The following CFAP36 variants were observed in gnomAD, a reference collection of about 807,000 sequenced individuals.
The protein encoded by CFAP36 is cilia- and flagella-associated protein 36.
CFAP36 carries 37 observed loss-of-function variants against 50.5 expected under a neutral mutation model. The ratio of observed to expected loss-of-function variants is 0.73; its 90% CI spans 0.56 to 0.96. The LOEUF is 0.96. Among genes scored for constraint, CFAP36 ranks in the 50% least tolerant of loss-of-function variants. CFAP36 has a pLI of 0.00. For missense variants in CFAP36, 407 were observed against 396.2 expected (o/e 1.03, Z -0.23); for synonymous variants, 138 against 128.2 (o/e 1.08, Z -0.52).
At chr2:55,537,002 C>T (rs758203406) in intron 6 of CFAP36, among the ~76,000 whole-genome samples, 4 of 152,136 alleles carry the variant, frequency 2.6e-5, no homozygotes, top group Non-Finnish European at 4.4e-5. Context: ...CTTGGCCTCC[C>T]AAAATGTTGG....
intron 5 of CFAP36, among the ~76,000 whole-genome samples, chr2:55,535,441 TG>T (rs1684455668): frequency 1.3e-5 from 2 of 152,366 alleles, no homozygotes; most frequent in South Asian, 4.1e-4. Flanking sequence ...ATTTCAAATC[TG>T]TTGATCTTTA....
Position 55,535,768 on chromosome 2 carries a change from CT to C in CFAP36, c.537+6del. ...GAAAGGAAGAGGAAAAAACAGGTGCCTACAGAACATATAACAGAAGTATTTT... is the reference window on the plus strand; with the variant it reads ...GAAAGGAAGAGGAAAAAACAGGTGCCACAGAACATATAACAGAAGTATTTT... On this transcript the variant is annotated splice_donor_region_variant and intron_variant, in intron 6 of 9. Transcript: ENST00000349456. The C allele has an allele frequency of 2.6e-6, 4 of 1,555,514 alleles. No homozygotes were observed. Among genetic ancestry groups the C allele is most frequent in the Non-Finnish European group, 3.4e-6 (4 of 1,159,470 alleles).
At chr2:55,535,580 T>C in intron 5 of CFAP36, 132 bp from the exon 6 acceptor site, 1 of 669,198 alleles carries the variant, frequency 1.5e-6, no homozygotes, top group South Asian at 2.4e-5. Context: ...AGAGCAAGGC[T>C]TGATTATCTT....
At chr2:55,522,066 G>C (rs1684082574) in intron 1 of CFAP36, 36 bp from the exon 2 acceptor site, 8 of 1,091,534 alleles carry the variant, frequency 7.3e-6, no homozygotes, top group South Asian at 2.8e-5. Context: ...AAATGATTTG[G>C]TTTTTACACT....
chr2:55,519,731 G>A lies in CFAP36; in HGVS notation c.-71G>A. 6.7e-7 allele frequency: 1 copy of A among 1,493,126 alleles called. No homozygotes were observed. Among genetic ancestry groups the A allele is most frequent in the Non-Finnish European group, 9.3e-7 (1 of 1,073,464 alleles). 92.5% of individuals were successfully genotyped at this position (1,493,126 alleles called of 1,614,324 possible). On this transcript the variant is annotated 5_prime_UTR_variant, in exon 1 of 10. It adds an upstream start codon to the 5' untranslated region. Coordinates refer to ENST00000349456, the MANE Select transcript of CFAP36 (RefSeq NM_080667.7). ...TTCCCCTACTCCCTCTCGGCTCCTT[G>A]TGGCCCAAAGGCCTAACCGGGGTCC... is the stretch of plus-strand genomic sequence containing the variant.
At chr2:55,533,735 G>T in intron 4 of CFAP36, 138 bp from the exon 5 acceptor site, 2 of 302,176 alleles carry the variant, frequency 6.6e-6, no homozygotes, top group Non-Finnish European at 6.2e-6. Context: ...AATAAAAGAT[G>T]ATAGTTAAAA....
chr2:55,520,094 G>T (rs991140909), intron 1 of CFAP36, among the ~76,000 whole-genome samples, 178 bp downstream of exon 1: 3 of 152,196 alleles, frequency 2.0e-5, no homozygotes, highest in Admixed American at 2.0e-4. Flanking sequence ...AGAGCTGGTT[G>T]TGTGGGAGGA....
At chr2:55,523,629 CGAT>C (rs1452482044) in intron 2 of CFAP36, 89 bp from the exon 3 acceptor site, 2 of 720,486 alleles carry the variant, frequency 2.8e-6, no homozygotes, top group Admixed American at 3.0e-5. Context: ...GCAAAAAATT[CGAT>C]GATACTTTTC....
chr2:55,536,024 T>C (rs17736300), intron 6 of CFAP36: 29,035 of 575,648 alleles, frequency 0.05, 841 homozygotes, highest in South Asian at 0.08. Flanking sequence ...TTACAGGACA[T>C]GCATATAAGC....
intron 6 of CFAP36, among the ~76,000 whole-genome samples, chr2:55,537,221 A>G (rs964487931): frequency 2.6e-5 from 4 of 152,082 alleles, no homozygotes; most frequent in African/African-American, 7.2e-5. Context: ...AAATGCAACA[A>G]TTAGCCGAGC....
Position 55,527,303 on chromosome 2 carries a change from C to G in CFAP36, c.283-1575C>G, listed in dbSNP as rs187122868. Among the ~76,000 whole-genome samples the G allele has an allele frequency of 3.5e-3, 529 of 152,234 alleles. 5 individuals are homozygous for G. The highest frequency in any genetic ancestry group is 6.0e-3 in the Non-Finnish European group (411 of 68,012). ...AGTTGAACTAAACAGCACCTTCAGG[C>G]CAGGCACGGTGGCTCATGCCTGTAA... On this transcript the variant is annotated intron_variant, in intron 3 of 9. Transcript: ENST00000349456.
At chr2:55,535,062 T>G (rs1684447267) in intron 5 of CFAP36, among the ~76,000 whole-genome samples, 1 of 152,144 alleles carries the variant, frequency 6.6e-6, no homozygotes, top group Non-Finnish European at 1.5e-5. Flanking sequence ...AAGTTTTGAT[T>G]TGGACTGGTT....
At chr2:55,527,125 A>T (rs749975493) in intron 3 of CFAP36, among the ~76,000 whole-genome samples, 2 of 152,232 alleles carry the variant, frequency 1.3e-5, no homozygotes, top group Non-Finnish European at 2.9e-5. Flanking sequence ...AACAATCTTT[A>T]ATATGTATGT....
chr2:55,533,016 C>G (rs1355764863), intron 4 of CFAP36, among the ~76,000 whole-genome samples: 1 of 152,206 alleles, frequency 6.6e-6, no homozygotes, highest in African/African-American at 2.4e-5. Context: ...GGGCAGAGAT[C>G]GTTTTATTCA....
intron 6 of CFAP36, 91 bp downstream of exon 6, chr2:55,535,854 G>A: frequency 1.4e-6 from 2 of 1,447,944 alleles, no homozygotes; most frequent in Non-Finnish European, 1.8e-6. Context: ...TTATACTTAT[G>A]TGGAACTACA....
At chr2:55,533,169 C>A (rs1226198566) in intron 4 of CFAP36, among the ~76,000 whole-genome samples, 4 of 152,138 alleles carry the variant, frequency 2.6e-5, no homozygotes, top group Admixed American at 1.3e-4. Flanking sequence ...TTTTGTGACT[C>A]TTCTCATTTA....
At chr2:55,537,659 C>A in intron 7 of CFAP36, 74 bp downstream of exon 7, 1 of 961,218 alleles carries the variant, frequency 1.0e-6, no homozygotes, top group South Asian at 1.6e-5. Flanking sequence ...GCCACTTTCT[C>A]ATACTTATTT....
At chr2:55,526,991 G>A (rs894539697) in intron 3 of CFAP36, among the ~76,000 whole-genome samples, 21 of 151,788 alleles carry the variant, frequency 1.4e-4, no homozygotes, top group Admixed American at 3.9e-4. Flanking sequence ...CTGTACCACT[G>A]TATTCCAGCC....
chr2:55,521,200 C>T (rs1159565392), intron 1 of CFAP36, among the ~76,000 whole-genome samples: 1 of 143,634 alleles, frequency 7.0e-6, no homozygotes, highest in Non-Finnish European at 1.5e-5. Flanking sequence ...TATTTGTACT[C>T]CTTTTTTTTT....
Sources: allele counts gnomAD v4.1 joint callset (sites outside exome capture counted in the v4.1 genomes callset), GRCh38; gene constraint gnomAD v4.1.1; transcripts MANE v1.5; gene names NCBI Gene and HGNC (gene_info 2026-07-23, HGNC 2026-07-21).